Variants in WDR70 observed in about 807,000 individuals in gnomAD.
The protein encoded by WDR70 is WD repeat domain 70, also known as WD repeat-containing protein 70.
WDR70 carries 53 observed loss-of-function variants against 88.6 expected under a neutral mutation model. The observed-to-expected ratio is 0.60, with a 90% confidence interval of 0.48 to 0.75. WDR70 has a LOEUF of 0.75. Ranked by LOEUF, WDR70 falls within the 30% of genes least tolerant of loss-of-function variation. WDR70 has a pLI of 0.00. For missense variants in WDR70, 610 were observed against 823.2 expected, an observed-to-expected ratio of 0.74 and a Z score of 3.17; for synonymous variants, 280 against 270.0, an observed-to-expected ratio of 1.04 and a Z score of -0.36.
chr5:37,622,030 G>T (rs898660464), intron 10 of WDR70, among the ~76,000 whole-genome samples: 1 of 152,176 alleles, frequency 6.6e-6, no homozygotes. Context: ...TCAAAGATCA[G>T]ATGGTTGTAG....
At chr5:37,408,383 A>G (rs571888403) in intron 5 of WDR70, among the ~76,000 whole-genome samples, 5 of 152,286 alleles carry the variant, frequency 3.3e-5, no homozygotes, top group Middle Eastern at 6.8e-3. Context: ...CTGAGGCAGG[A>G]GAATCACTTG....
chr5:37,565,094 A>T (rs1742699055), intron 9 of WDR70, among the ~76,000 whole-genome samples: 1 of 152,186 alleles, frequency 6.6e-6, no homozygotes, highest in South Asian at 2.1e-4. Context: ...ACAACAAAAG[A>T]TGAAGATCTT....
At chr5:37,703,245 A>T (rs1276244350) in intron 13 of WDR70, among the ~76,000 whole-genome samples, 158 bp downstream of exon 13, 1 of 152,142 alleles carries the variant, frequency 6.6e-6, no homozygotes, top group Non-Finnish European at 1.5e-5. Context: ...TATGTTGTGG[A>T]TGGCTGAGCT....
chr5:37,414,473 T>TC (rs1360241230), intron 5 of WDR70, among the ~76,000 whole-genome samples: 4 of 152,130 alleles, frequency 2.6e-5, no homozygotes, highest in Non-Finnish European at 5.9e-5. Flanking sequence ...CTTATATAGG[T>TC]CCCCCCTGCT....
chr5:37,706,515 G>C (rs1747325664), intron 13 of WDR70, among the ~76,000 whole-genome samples: 1 of 152,152 alleles, frequency 6.6e-6, no homozygotes, highest in South Asian at 2.1e-4. Flanking sequence ...CATGAGATCT[G>C]ATGGTTTTAT....
intron 5 of WDR70, among the ~76,000 whole-genome samples, chr5:37,412,715 G>A (rs991874149): frequency 4.6e-5 from 7 of 152,176 alleles, no homozygotes; most frequent in Non-Finnish European, 8.8e-5. Flanking sequence ...GTGTTGCTTT[G>A]TCTTCTGGTC....
At chr5:37,470,146 C>A (rs1220050901) in intron 7 of WDR70, among the ~76,000 whole-genome samples, 10 of 138,554 alleles carry the variant, frequency 7.2e-5, no homozygotes, top group Non-Finnish European at 9.4e-5. Flanking sequence ...CAAAAAAAAA[C>A]GCACAAAAAT....
intron 5 of WDR70, among the ~76,000 whole-genome samples, chr5:37,404,034 C>T (rs1227297404): frequency 6.6e-6 from 1 of 152,186 alleles, no homozygotes; most frequent in Non-Finnish European, 1.5e-5. Flanking sequence ...AACCTCTGCA[C>T]CCAGCTAACC....
At chr5:37,391,968 T>C (rs1748833990) in intron 3 of WDR70, 32 bp from the exon 4 acceptor site, 4 of 1,580,082 alleles carry the variant, frequency 2.5e-6, no homozygotes, top group Non-Finnish European at 3.4e-6. Context: ...ACCGTTGGGA[T>C]TTTTTTGTTA....
chr5:37,466,507 C>T (rs1739152667), intron 7 of WDR70, among the ~76,000 whole-genome samples: 1 of 151,336 alleles, frequency 6.6e-6, no homozygotes, highest in Non-Finnish European at 1.5e-5. Flanking sequence ...GAGATCGAGA[C>T]CATCCTTACT....
At chr5:37,720,694 A>G (rs528017838) in intron 13 of WDR70, among the ~76,000 whole-genome samples, 2 of 152,352 alleles carry the variant, frequency 1.3e-5, no homozygotes, top group South Asian at 2.1e-4. Flanking sequence ...ACTAAAAACA[A>G]TAACCACCTG....
chr5:37,692,621 A>G (rs1554012656), intron 10 of WDR70, among the ~76,000 whole-genome samples: 1 of 152,206 alleles, frequency 6.6e-6, no homozygotes, highest in Non-Finnish European at 1.5e-5. Context: ...ACACCACGTG[A>G]TTATCTCAAT....
chr5:37,717,720 C>G (rs1294336543), intron 13 of WDR70, among the ~76,000 whole-genome samples: 1 of 152,188 alleles, frequency 6.6e-6, no homozygotes, highest in Non-Finnish European at 1.5e-5. Flanking sequence ...CTTCCCAGCC[C>G]TGCCGCAGTC....
intron 17 of WDR70, among the ~76,000 whole-genome samples, chr5:37,738,451 A>C (rs1237375625): frequency 6.6e-6 from 1 of 152,224 alleles, no homozygotes; most frequent in East Asian, 1.9e-4. Flanking sequence ...TTTCCACTGC[A>C]GCTGAAAACA....
chr5:37,400,437 C>T (rs1749156758), intron 5 of WDR70, among the ~76,000 whole-genome samples: 1 of 152,120 alleles, frequency 6.6e-6, no homozygotes, highest in African/African-American at 2.4e-5. Flanking sequence ...AAGTTCTCTA[C>T]AGAAAAGTGT....
chr5:37,474,286 A>AT (rs1194331977), intron 7 of WDR70, among the ~76,000 whole-genome samples: 8 of 152,250 alleles, frequency 5.3e-5, no homozygotes, highest in Admixed American at 1.3e-4. Flanking sequence ...ACTTGACTGC[A>AT]TTTTTTGTTG....
chr5:37,586,914 C>T (rs999227310), intron 9 of WDR70, among the ~76,000 whole-genome samples: 1 of 152,156 alleles, frequency 6.6e-6, no homozygotes, highest in South Asian at 2.1e-4. Context: ...CTCTCTGACA[C>T]TTAACTTGCT....
intron 7 of WDR70, among the ~76,000 whole-genome samples, chr5:37,457,813 C>T (rs932064941): frequency 3.9e-5 from 6 of 152,234 alleles, no homozygotes; most frequent in African/African-American, 1.4e-4. Context: ...GACACTTGAA[C>T]TAAGAATGAT....
At position 37,396,386 on chromosome 5, in the gene WDR70, G is replaced by A; in HGVS notation, c.308G>A (p.Ser103Asn). 1 of 1,610,062 alleles carries A rather than the reference G, an allele frequency of 6.2e-7. No individual in the cohort carries two copies. The highest frequency in any genetic ancestry group is 1.1e-5 in the South Asian group (1 of 90,370). ...CSKSSSRDTS[S>N]SESEQSSDSS... ...TTCTGTATTTTCAGGGATACGAGCA[G>A]CAGTGAAAGTGAACAGAGTTCTGAC... is the stretch of plus-strand genomic sequence containing the variant. The change falls in exon 5 of 18, where the codon AGC (serine) becomes AAC (asparagine). Residue 103 changes from serine (S) to asparagine (N), a missense_variant. Around this residue, in one of 4 missense-constraint regions of WDR70, gnomAD observed 203 missense variants for 228.1 expected, o/e 0.89. Coordinates refer to ENST00000265107, the MANE Select transcript of WDR70 (RefSeq NM_018034.4).
Sources: gnomAD v4.1 joint callset for allele counts (sites outside exome capture counted in the v4.1 genomes callset) on GRCh38, gnomAD v4.1.1 for gene constraint, gnomAD v4.1.1 regional missense constraint, MANE v1.5 for transcripts, NCBI Gene and HGNC (gene_info 2026-07-23, HGNC 2026-07-21) for gene names.